The following SLC1A2 variants were observed in gnomAD, a reference collection of about 807,000 sequenced individuals.
The protein encoded by SLC1A2 is solute carrier family 1 member 2.
A neutral mutation model predicts 48.8 loss-of-function variants in SLC1A2; 15 were observed. The ratio of observed to expected loss-of-function variants is 0.31; its 90% CI spans 0.21 to 0.47. The LOEUF (loss-of-function observed/expected upper bound fraction) is 0.47. SLC1A2 is among the 20% of genes least tolerant of loss of function. SLC1A2 has a pLI of 0.99. For missense variants in SLC1A2, 502 were observed against 730.5 expected, an observed-to-expected ratio of 0.69 and a Z score of 3.61; for synonymous variants, 279 against 272.6, an observed-to-expected ratio of 1.02 and a Z score of -0.23.
chr11:35,292,117 G>C, intron 7 of SLC1A2, 170 bp downstream of exon 7: 2 of 627,050 alleles, frequency 3.2e-6, no homozygotes, highest in Admixed American at 5.9e-5. Flanking sequence ...AGGCTCAGAA[G>C]TTCCTAGAAG....
intron 1 of SLC1A2, among the ~76,000 whole-genome samples, chr11:35,385,641 C>T (rs1005739714): frequency 6.6e-6 from 1 of 152,186 alleles, no homozygotes; most frequent in Non-Finnish European, 1.5e-5. Context: ...CTTGATCTTT[C>T]CCCAAGATGT....
chr11:35,389,800 A>G (rs979438365), intron 1 of SLC1A2, among the ~76,000 whole-genome samples: 2 of 152,020 alleles, frequency 1.3e-5, no homozygotes, highest in Admixed American at 6.6e-5. Flanking sequence ...TCTTGTAGAC[A>G]CCAGGTCTTG....
chr11:35,292,823 T>C (rs894710038), intron 6 of SLC1A2, among the ~76,000 whole-genome samples: 2 of 152,148 alleles, frequency 1.3e-5, no homozygotes, highest in South Asian at 4.1e-4. Context: ...AAGTTCAAAG[T>C]TGAGAGACCC....
At chr11:35,307,944 C>A (rs1375129936) in intron 4 of SLC1A2, among the ~76,000 whole-genome samples, 1 of 152,126 alleles carries the variant, frequency 6.6e-6, no homozygotes, top group Non-Finnish European at 1.5e-5. Context: ...CCACTTCTCC[C>A]CTCAATGTGG....
Position 35,253,326 on chromosome 11 carries a change from C to T in SLC1A2, c.*7568G>A, listed in dbSNP as rs1950268949. 6.6e-6 allele frequency: 1 copy of T among 152,548 alleles called. No individual in the cohort carries two copies. The highest frequency in any genetic ancestry group is 2.1e-4 in the South Asian group (1 of 4,822). The allele number at this position is 152,548 out of a possible 1,614,324, so 9.4% of individuals were successfully genotyped here. A position where few individuals can be genotyped will look rare whatever the true frequency, so the allele number is the denominator to read the frequency against. Reference sequence around the variant, plus strand: ...CAATGTGACATTTACCACTAATTTGCTTGGCAAGAATTAACTGCAACAAAT... The same window carrying T: ...CAATGTGACATTTACCACTAATTTGTTTGGCAAGAATTAACTGCAACAAAT... On this transcript the variant is annotated 3_prime_UTR_variant, in exon 11 of 11. Transcript: ENST00000278379.
At chr11:35,364,468 G>A (rs927106644) in intron 1 of SLC1A2, among the ~76,000 whole-genome samples, 15 of 152,196 alleles carry the variant, frequency 9.9e-5, no homozygotes, top group Admixed American at 9.2e-4. Context: ...AGCTACACTG[G>A]CTCTAATCAT....
At chr11:35,410,430 A>G (rs1045249829) in intron 1 of SLC1A2, among the ~76,000 whole-genome samples, 1 of 152,194 alleles carries the variant, frequency 6.6e-6, no homozygotes, top group African/African-American at 2.4e-5. Flanking sequence ...AAGGTATAGC[A>G]TTTTATTACA....
chr11:35,342,265 T>C (rs1852864277), intron 1 of SLC1A2, among the ~76,000 whole-genome samples: 1 of 152,226 alleles, frequency 6.6e-6, no homozygotes, highest in Non-Finnish European at 1.5e-5. Flanking sequence ...GAAGACAGCA[T>C]TTGTTTTAAC....
At chr11:35,262,442 C>T (rs915395635) in intron 10 of SLC1A2, among the ~76,000 whole-genome samples, 1 of 152,162 alleles carries the variant, frequency 6.6e-6, no homozygotes, top group Non-Finnish European at 1.5e-5. Context: ...GACTCCATTC[C>T]CCAACCTGTC....
At chr11:35,261,610 G>A (rs1048065748) in intron 10 of SLC1A2, 1 of 398,318 alleles carries the variant, frequency 2.5e-6, no homozygotes. Flanking sequence ...AAAGTGAACT[G>A]AACCTTTTTG....
chr11:35,401,299 T>C (rs1337659445), intron 1 of SLC1A2, among the ~76,000 whole-genome samples: 1 of 152,230 alleles, frequency 6.6e-6, no homozygotes, highest in African/African-American at 2.4e-5. Context: ...AGGGAGATTT[T>C]CCCCACAAGA....
intron 5 of SLC1A2, among the ~76,000 whole-genome samples, chr11:35,305,267 C>T (rs1231078676): frequency 6.6e-6 from 1 of 152,212 alleles, no homozygotes; most frequent in Non-Finnish European, 1.5e-5. Context: ...AGCTCTCCAC[C>T]CACTTTGAAT....
At chr11:35,377,422 T>A (rs1257392187) in intron 1 of SLC1A2, among the ~76,000 whole-genome samples, 8 of 152,182 alleles carry the variant, frequency 5.3e-5, no homozygotes, top group Admixed American at 5.2e-4. Flanking sequence ...CCACAGAGCA[T>A]GCACTGTGTA....
chr11:35,304,425 G>A (rs932215824), intron 5 of SLC1A2, among the ~76,000 whole-genome samples: 2 of 152,176 alleles, frequency 1.3e-5, no homozygotes, highest in Non-Finnish European at 2.9e-5. Flanking sequence ...AAGGAACATA[G>A]ATAGCTGGAC....
chr11:35,313,681 A>T (rs1446789855), intron 3 of SLC1A2, among the ~76,000 whole-genome samples: 1 of 152,166 alleles, frequency 6.6e-6, no homozygotes, highest in Non-Finnish European at 1.5e-5. Flanking sequence ...AAGTTGGCCA[A>T]CGTATGACCT....
intron 1 of SLC1A2, among the ~76,000 whole-genome samples, chr11:35,363,935 T>C (rs1853763401): frequency 6.6e-6 from 1 of 152,130 alleles, no homozygotes; most frequent in Admixed American, 6.5e-5. Context: ...TGAGTGGTAT[T>C]TCCTGTTCCA....
At chr11:35,261,004 C>T (rs1338088881) in intron 10 of SLC1A2, 39 bp from the exon 11 acceptor site, 10 of 1,525,782 alleles carry the variant, frequency 6.6e-6, no homozygotes, top group South Asian at 2.2e-5. Context: ...TTACAGACCA[C>T]GAACCAGAAA....
Position 35,307,652 on chromosome 11 carries a change from T to C in SLC1A2, c.562-1410A>G, listed in dbSNP as rs556783033. ...GGAAAGTCAAGTGACTTGTTGGACGTCATGGAGTTATGGGCAGAACTGGGA... is the reference window on the plus strand; with the variant it reads ...GGAAAGTCAAGTGACTTGTTGGACGCCATGGAGTTATGGGCAGAACTGGGA... On this transcript the variant is annotated intron_variant, in intron 4 of 10. Coordinates refer to ENST00000278379, the MANE Select transcript of SLC1A2 (RefSeq NM_004171.4). Among the ~76,000 whole-genome samples the C allele has an allele frequency of 7.9e-5, 12 of 152,326 alleles. No homozygotes were observed. In the South Asian group the frequency reaches 2.5e-3, roughly 32 times the overall value.
chr11:35,351,544 C>T (rs1447171644), intron 1 of SLC1A2, among the ~76,000 whole-genome samples: 2 of 152,182 alleles, frequency 1.3e-5, no homozygotes, highest in Admixed American at 6.5e-5. Flanking sequence ...CCATCAGATA[C>T]AGTATGATTG....
Sources: allele counts gnomAD v4.1 joint callset (sites outside exome capture counted in the v4.1 genomes callset), GRCh38; gene constraint gnomAD v4.1.1; transcripts MANE v1.5; gene names NCBI Gene and HGNC (gene_info 2026-07-23, HGNC 2026-07-21).